The following FAM13C variants were observed in gnomAD, a reference collection of about 807,000 sequenced individuals.
FAM13C encodes protein FAM13C.
Under a neutral mutation model 73.2 loss-of-function variants are expected in FAM13C, and 37 were observed. That is an observed-to-expected ratio of 0.51 (90% CI 0.39 to 0.67). The LOEUF is 0.67. Ranked by LOEUF, FAM13C falls within the 30% of genes least tolerant of loss-of-function variation. The pLI is 0.00. For synonymous variants in FAM13C, 246 were observed against 260.9 expected, an observed-to-expected ratio of 0.94 and a Z score of 0.55; for missense variants, 589 against 715.6, an observed-to-expected ratio of 0.82 and a Z score of 2.02.
intron 4 of FAM13C, among the ~76,000 whole-genome samples, chr10:59,309,287 A>C (rs1848655015): frequency 6.6e-6 from 1 of 152,046 alleles, no homozygotes; most frequent in Non-Finnish European, 1.5e-5. Context: ...GAACTACCTG[A>C]ATGACAGTAG....
chr10:59,317,874 C>T (rs1406632950), intron 4 of FAM13C, among the ~76,000 whole-genome samples: 1 of 151,956 alleles, frequency 6.6e-6, no homozygotes, highest in Admixed American at 6.6e-5. Context: ...AGGTATATCT[C>T]CTAATGCTAT....
intron 4 of FAM13C, among the ~76,000 whole-genome samples, chr10:59,303,317 A>G (rs1426386732): frequency 1.3e-5 from 2 of 152,178 alleles, no homozygotes; most frequent in Non-Finnish European, 2.9e-5. Flanking sequence ...ACTCTCTAGC[A>G]TACAGTCCTG....
chr10:59,283,262 G>T, intron 6 of FAM13C, 101 bp downstream of exon 6: 1 of 1,243,540 alleles, frequency 8.0e-7, no homozygotes, highest in Non-Finnish European at 1.2e-6. Context: ...TGTTGCCCCA[G>T]GCACTGTTTT....
At chr10:59,259,612 T>C (rs1564485511) in intron 10 of FAM13C, among the ~76,000 whole-genome samples, 1 of 152,212 alleles carries the variant, frequency 6.6e-6, no homozygotes, top group Non-Finnish European at 1.5e-5. Flanking sequence ...ACATTTTCTA[T>C]TACAGATGCT....
At chr10:59,265,583 CCA>C (rs1200788488) in intron 8 of FAM13C, among the ~76,000 whole-genome samples, 2 of 152,108 alleles carry the variant, frequency 1.3e-5, no homozygotes, top group Non-Finnish European at 2.9e-5. Context: ...TGGATCTGTT[CCA>C]CACAGTTATT....
intron 2 of FAM13C, among the ~76,000 whole-genome samples, chr10:59,354,995 C>CAAT (rs150232105): frequency 0.035 from 5,211 of 149,792 alleles, 280 homozygotes; most frequent in African/African-American, 0.11. Flanking sequence ...TGGACCTCAC[C>CAAT]AATAATAATA....
At chr10:59,351,786 G>A (rs1230757708) in intron 3 of FAM13C, among the ~76,000 whole-genome samples, 1 of 152,174 alleles carries the variant, frequency 6.6e-6, no homozygotes, top group Admixed American at 6.5e-5. Flanking sequence ...CTGAGGTCAG[G>A]TGTTGGAGAC....
intron 3 of FAM13C, among the ~76,000 whole-genome samples, chr10:59,334,309 A>G (rs1412157959): frequency 2.0e-5 from 3 of 152,226 alleles, no homozygotes; most frequent in East Asian, 3.9e-4. Flanking sequence ...ATTCTAAGAT[A>G]TCTAAAGAGA....
intron 1 of FAM13C, 30 bp from the exon 2 acceptor site, chr10:59,355,973 G>T: frequency 6.2e-7 from 1 of 1,603,854 alleles, no homozygotes; most frequent in Non-Finnish European, 8.5e-7. Flanking sequence ...AATCACATCA[G>T]ATCCAATTGT....
rs1347041834 is a variant in FAM13C, at chr10:59,265,328, G to GA, written c.943-1163_943-1162insT. Reference sequence around the variant, plus strand: ...GATAGGGAAGGGGTTTTGGCGGGGGGGGGGGGGAATCCTGGTTTCAGGACC... The same window carrying GA: ...GATAGGGAAGGGGTTTTGGCGGGGGGAGGGGGGGAATCCTGGTTTCAGGACC... On this transcript the variant is annotated intron_variant, in intron 8 of 13. Coordinates refer to ENST00000618804, the MANE Select transcript of FAM13C (RefSeq NM_198215.4). 6.1e-5 allele frequency among the ~76,000 whole-genome samples: 3 copies of GA among 48,914 alleles called. 1 individual carries two copies. Among genetic ancestry groups the GA allele is most frequent in the Non-Finnish European group, 1.4e-4 (3 of 21,712 alleles). The allele number at this position is 48,914 out of a possible 152,430, so 32.1% of individuals were successfully genotyped here.
At chr10:59,337,729 G>A (rs1761617534) in intron 3 of FAM13C, among the ~76,000 whole-genome samples, 1 of 117,770 alleles carries the variant, frequency 8.5e-6, no homozygotes, top group South Asian at 3.0e-4. Flanking sequence ...ACCCAGGCTA[G>A]AGTGCAATGG....
At chr10:59,268,720 T>C in intron 7 of FAM13C, 29 bp from the exon 8 acceptor site, 1 of 1,599,920 alleles carries the variant, frequency 6.3e-7, no homozygotes, top group Non-Finnish European at 8.5e-7. Context: ...GGAAGGAGTA[T>C]CAAAAACAGT....
At chr10:59,330,117 T>C (rs1589643757) in intron 3 of FAM13C, among the ~76,000 whole-genome samples, 1 of 152,352 alleles carries the variant, frequency 6.6e-6, no homozygotes, top group Non-Finnish European at 1.5e-5. Flanking sequence ...ACAGCTTTGA[T>C]ATACAGTTCT....
intron 4 of FAM13C, 29 bp from the exon 5 acceptor site, chr10:59,302,893 A>G: frequency 6.2e-7 from 1 of 1,602,968 alleles, no homozygotes; most frequent in Non-Finnish European, 8.5e-7. Flanking sequence ...AATTATTTCC[A>G]TTTAAAAGAA....
chr10:59,253,553 A>G (rs1188849067), intron 11 of FAM13C, among the ~76,000 whole-genome samples: 1 of 152,228 alleles, frequency 6.6e-6, no homozygotes, highest in Non-Finnish European at 1.5e-5. Context: ...CACAACTAGA[A>G]GATTCTCTTG....
intron 9 of FAM13C, chr10:59,263,873 G>C: frequency 1.8e-6 from 1 of 549,568 alleles, no homozygotes; most frequent in Non-Finnish European, 3.3e-6. Context: ...GGAGTCTGGA[G>C]GTCCTCAGTT....
Position 59,361,062 on chromosome 10 carries a change from C to T in FAM13C, c.62+1337G>A, listed in dbSNP as rs1156508395. Reference sequence around the variant, plus strand: ...GAGCAGGAAGTCCAGGCCTCATCTTCGGCCTGCAGATGCACACTTTGGCAC... The same window carrying T: ...GAGCAGGAAGTCCAGGCCTCATCTTTGGCCTGCAGATGCACACTTTGGCAC... On this transcript the variant is annotated intron_variant, in intron 1 of 13. Transcript: ENST00000618804. The T allele has an allele frequency of 7.0e-6, 9 of 1,289,138 alleles. No homozygotes were observed. In the Admixed American group the frequency reaches 1.6e-4, roughly 23 times the overall value. 79.9% of individuals were successfully genotyped at this position (1,289,138 alleles called of 1,614,324 possible). A position where few individuals can be genotyped will look rare whatever the true frequency, so the allele number is the denominator to read the frequency against.
At chr10:59,262,758 A>C in intron 9 of FAM13C, 113 bp from the exon 10 acceptor site, 2 of 865,006 alleles carry the variant, frequency 2.3e-6, no homozygotes, top group East Asian at 2.6e-5. Flanking sequence ...ATGAACACTA[A>C]TGATGGCTTT....
In FAM13C at chr10:59,305,438, T is replaced by C. The variant is rs188258232; in HGVS notation, c.444-2574A>G. Among the ~76,000 whole-genome samples the C allele has an allele frequency of 7.5e-3, 1,139 of 152,346 alleles. 11 individuals are homozygous for C. Among genetic ancestry groups the C allele is most frequent in the Admixed American group, 0.019 (298 of 15,298 alleles). On this transcript the variant is annotated intron_variant, in intron 4 of 13. Transcript: ENST00000618804. Reference sequence around the variant, plus strand: ...GTTATCTTAATGAATAAGAGATTTGTCAGTGTTAACATTTATAAAAAGATT... The same window carrying C: ...GTTATCTTAATGAATAAGAGATTTGCCAGTGTTAACATTTATAAAAAGATT...
Sources: gnomAD v4.1 joint callset for allele counts (sites outside exome capture counted in the v4.1 genomes callset) on GRCh38, gnomAD v4.1.1 for gene constraint, MANE v1.5 for transcripts, NCBI Gene and HGNC (gene_info 2026-07-23, HGNC 2026-07-21) for gene names.